PHF24: variants seen among roughly 807,000 people sequenced by gnomAD.
PHF24 encodes Galpha inhibitory interacting protein.
PHF24 carries 25 observed loss-of-function variants against 42.6 expected under a neutral mutation model. The observed-to-expected ratio is 0.59, with a 90% CI of 0.43 to 0.82. The LOEUF (loss-of-function observed/expected upper bound fraction) is 0.82, where lower values mean the gene tolerates loss of function less well. Among genes scored for constraint, PHF24 ranks in the 40% least tolerant of loss-of-function variants. The probability of loss-of-function intolerance (pLI) is 0.00; values close to 1 mark genes in which losing one functional copy is unlikely to be tolerated. For synonymous variants in PHF24, 185 were observed against 204.8 expected (o/e 0.90, Z 0.83); for missense variants, 470 against 538.1 (o/e 0.87, Z 1.25).
chr9:34,817,132 A>AT, the PHF24 span, among the ~76,000 whole-genome samples: 1,141 of 152,354 alleles, frequency 7.5e-3, 12 homozygotes, highest in Middle Eastern at 0.051. Flanking sequence ...TCTTCTAGCT[A>AT]TTTTGAAATA....
the PHF24 span, among the ~76,000 whole-genome samples, chr9:34,855,503 G>A: frequency 3.3e-5 from 5 of 152,150 alleles, no homozygotes; most frequent in African/African-American, 1.2e-4. Flanking sequence ...TGCTTGTCCT[G>A]AAAAGGATCT....
chr9:34,960,503 C>G (rs1474052187), intron 1 of PHF24, among the ~76,000 whole-genome samples: 1 of 152,166 alleles, frequency 6.6e-6, no homozygotes, highest in African/African-American at 2.4e-5. Context: ...CCTTTCAGTT[C>G]AAACCCATCT....
At chr9:34,725,841 C>G in the PHF24 span, 14 of 1,551,334 alleles carry the variant, frequency 9.0e-6, no homozygotes, top group South Asian at 1.5e-4. Flanking sequence ...AGAAAAGGAT[C>G]CTTCAAGGGG....
chr9:34,671,024 T>G, the PHF24 span, among the ~76,000 whole-genome samples: 2 of 152,208 alleles, frequency 1.3e-5, no homozygotes, highest in Non-Finnish European at 2.9e-5. Context: ...TCAGCTCCCC[T>G]ATCTCTCATC....
chr9:34,789,280 G>A, the PHF24 span, among the ~76,000 whole-genome samples: 1 of 152,160 alleles, frequency 6.6e-6, no homozygotes, highest in South Asian at 2.1e-4. Flanking sequence ...AGCCCCCTTT[G>A]CCTCATCTTT....
the PHF24 span, among the ~76,000 whole-genome samples, chr9:34,898,532 C>T: frequency 2.0e-5 from 3 of 152,170 alleles, no homozygotes; most frequent in African/African-American, 7.2e-5. Flanking sequence ...ATTTCATCAT[C>T]TGCCCTGAAC....
the PHF24 span, among the ~76,000 whole-genome samples, chr9:34,847,965 G>A: frequency 6.6e-6 from 1 of 152,126 alleles, no homozygotes; most frequent in Non-Finnish European, 1.5e-5. Context: ...TGATCATGGT[G>A]GATAAGCTTT....
At chr9:34,833,589 C>T in the PHF24 span, 6 of 1,549,976 alleles carry the variant, frequency 3.9e-6, no homozygotes, top group Non-Finnish European at 5.2e-6. Context: ...ATGGGAATTC[C>T]CCATTGTATC....
At chr9:34,772,632 T>G in the PHF24 span, among the ~76,000 whole-genome samples, 2 of 152,202 alleles carry the variant, frequency 1.3e-5, no homozygotes, top group African/African-American at 4.8e-5. Context: ...ACATTTAATC[T>G]CAAAATTCTA....
the PHF24 span, chr9:34,837,528 CAGTCTGGGGAACTGG>C: frequency 1.5e-6 from 1 of 668,994 alleles, no homozygotes; most frequent in East Asian, 2.9e-5. Flanking sequence ...ATGGAAGTTT[CAGTCTGGGGAACTGG>C]AGTCTTCAGT....
chr9:34,807,073 A>G, the PHF24 span, among the ~76,000 whole-genome samples: 1 of 152,186 alleles, frequency 6.6e-6, no homozygotes, highest in East Asian at 1.9e-4. Context: ...AACCTCTAGT[A>G]CAATGTTGAG....
the PHF24 span, chr9:34,835,831 G>T: frequency 2.8e-6 from 4 of 1,415,322 alleles, no homozygotes; most frequent in South Asian, 2.5e-5. Flanking sequence ...GATATTTCTG[G>T]AATGGAGCTC....
At chr9:34,919,602 A>G in the PHF24 span, among the ~76,000 whole-genome samples, 3 of 151,868 alleles carry the variant, frequency 2.0e-5, no homozygotes, top group Non-Finnish European at 4.4e-5. Flanking sequence ...TTAATGTACA[A>G]TAAATCATTG....
the PHF24 span, chr9:34,917,121 C>G: frequency 2.4e-6 from 2 of 833,558 alleles, no homozygotes; most frequent in South Asian, 2.7e-5. Context: ...TCACCTCGCT[C>G]TCGCGGCCTA....
At chr9:34,690,457 T>TGC in the PHF24 span, 2 of 970,724 alleles carry the variant, frequency 2.1e-6, no homozygotes, top group Non-Finnish European at 3.1e-6. Context: ...TGTGTGTGTG[T>TGC]GTGTGTGTGT....
chr9:34,971,328 A>G, exon 2 of PHF24: 2 of 1,610,500 alleles, frequency 1.2e-6, no homozygotes, highest in African/African-American at 1.3e-5. Context: ...AGCGGCAGAC[A>G]GTGGAGCAGG....
the PHF24 span, chr9:34,710,225 G>C: frequency 9.2e-6 from 6 of 648,922 alleles, no homozygotes; most frequent in Admixed American, 1.1e-4. Flanking sequence ...CCTGAAAGCT[G>C]GATTTGCTGG....
chr9:34,832,316 G>GT, the PHF24 span: 1 of 628,598 alleles, frequency 1.6e-6, no homozygotes. Context: ...GCCCTGGTTG[G>GT]GGGGCACAAG....
the PHF24 span, among the ~76,000 whole-genome samples, chr9:34,804,637 C>T: frequency 6.6e-6 from 1 of 152,192 alleles, no homozygotes; most frequent in Non-Finnish European, 1.5e-5. Context: ...GGACACATAT[C>T]AACTAATTGC....
Sources: allele counts gnomAD v4.1 joint callset (sites outside exome capture counted in the v4.1 genomes callset), GRCh38; gene constraint gnomAD v4.1.1; transcripts MANE v1.5; gene names NCBI Gene and HGNC (gene_info 2026-07-23, HGNC 2026-07-21).